The following FAF1 variants were observed in gnomAD, a reference collection of about 807,000 sequenced individuals.
FAF1 encodes Fas associated factor 1.
Under a neutral mutation model 92.5 loss-of-function variants are expected in FAF1, and 25 were observed. The observed-to-expected ratio is 0.27, with a 90% CI of 0.20 to 0.38. FAF1 has a LOEUF of 0.38. FAF1 is among the 10% of genes least tolerant of loss of function. The pLI is 1.00. For missense variants in FAF1, 636 were observed against 793.3 expected (o/e 0.80, Z 2.38); for synonymous variants, 234 against 273.2 (o/e 0.86, Z 1.42).
chr1:50,692,911 ATTAT>A (rs1557478581), intron 7 of FAF1, among the ~76,000 whole-genome samples: 1 of 152,086 alleles, frequency 6.6e-6, no homozygotes, highest in African/African-American at 2.4e-5. Context: ...TTTCAATTAG[ATTAT>A]TTGTCTTTTT....
chr1:50,739,393 T>TG (rs1240529473), intron 5 of FAF1, among the ~76,000 whole-genome samples: 1 of 131,720 alleles, frequency 7.6e-6, no homozygotes, highest in African/African-American at 3.4e-5. Flanking sequence ...TATATGTGTG[T>TG]TTATGTGTAT....
intron 17 of FAF1, among the ~76,000 whole-genome samples, chr1:50,490,313 T>C (rs571115018): frequency 6.6e-6 from 1 of 151,362 alleles, no homozygotes; most frequent in Admixed American, 6.6e-5. Flanking sequence ...CGAGCCGAGA[T>C]GGTGCTACAG....
Position 50,801,600 on chromosome 1 carries a change from C to A in FAF1, c.161+31G>T. The stretch of plus-strand genomic sequence containing the variant: ...AGCTCTGTTCTTTGTTCTGCTAAGT[C>A]ATCTTAACTGGTAAGCACTTTATAA... On this transcript the variant is annotated intron_variant, in intron 3 of 18. Coordinates refer to ENST00000396153, the MANE Select transcript of FAF1 (RefSeq NM_007051.3). 3.1e-6 allele frequency: 4 copies of A among 1,301,794 alleles called. No homozygotes were observed. In the South Asian group the frequency reaches 4.8e-5, roughly 16 times the overall value. 80.6% of individuals were successfully genotyped at this position (1,301,794 alleles called of 1,614,324 possible). A position where few individuals can be genotyped will look rare whatever the true frequency, so the allele number is the denominator to read the frequency against.
chr1:50,866,859 GA>G (rs2124676128), intron 1 of FAF1, among the ~76,000 whole-genome samples: 1 of 151,944 alleles, frequency 6.6e-6, no homozygotes, highest in African/African-American at 2.4e-5. Flanking sequence ...ATATGAAACC[GA>G]AAAAGTGACC....
intron 7 of FAF1, among the ~76,000 whole-genome samples, chr1:50,688,511 TA>T (rs992019975): frequency 9.1e-4 from 138 of 152,088 alleles, no homozygotes; most frequent in African/African-American, 3.3e-3. Flanking sequence ...TACTCAGCCT[TA>T]AAAAAATAAT....
At position 50,625,774 on chromosome 1, in the gene FAF1, T is replaced by A. The variant is rs1314642980; in HGVS notation, c.745-29558A>T. 2.0e-5 allele frequency among the ~76,000 whole-genome samples: 3 copies of A among 152,180 alleles called. No homozygotes were observed. In the East Asian group the frequency reaches 5.8e-4, roughly 29 times the overall value. ...ATCAGATTATGAACAGTCAAATATG[T>A]TCCATTAAGGAGTTTAGACATTATC... On this transcript the variant is annotated intron_variant, in intron 8 of 18. Transcript: ENST00000396153.
intron 12 of FAF1, among the ~76,000 whole-genome samples, chr1:50,568,527 G>T (rs2149057270): frequency 6.6e-6 from 1 of 152,242 alleles, no homozygotes; most frequent in South Asian, 2.1e-4. Context: ...CAGTTAGGTA[G>T]ATTAAGATTC....
At chr1:50,807,394 C>T (rs557075603) in intron 2 of FAF1, among the ~76,000 whole-genome samples, 3 of 152,274 alleles carry the variant, frequency 2.0e-5, no homozygotes, top group South Asian at 2.1e-4. Flanking sequence ...GCCGGTAGGG[C>T]GAAGGGGAAG....
intron 4 of FAF1, among the ~76,000 whole-genome samples, chr1:50,778,122 T>C (rs770747346): frequency 9.9e-5 from 15 of 152,216 alleles, no homozygotes; most frequent in Non-Finnish European, 1.9e-4. Context: ...ATGAATGAAT[T>C]ATTGAATCTC....
intron 4 of FAF1, among the ~76,000 whole-genome samples, chr1:50,757,651 A>C (rs1442049004): frequency 2.0e-5 from 3 of 152,150 alleles, no homozygotes; most frequent in Non-Finnish European, 2.9e-5. Context: ...TTTATAAAGC[A>C]GGTTTCCTGT....
At chr1:50,906,592 C>A (rs1308775018) in intron 1 of FAF1, among the ~76,000 whole-genome samples, 1 of 152,184 alleles carries the variant, frequency 6.6e-6, no homozygotes, top group Non-Finnish European at 1.5e-5. Flanking sequence ...AGAGGTCCTT[C>A]ACGTCCCTTG....
chr1:50,833,726 C>T (rs1251385314), intron 2 of FAF1, among the ~76,000 whole-genome samples: 1 of 152,070 alleles, frequency 6.6e-6, no homozygotes, highest in African/African-American at 2.4e-5. Context: ...GAACAAAAGA[C>T]ACTTTTATTA....
chr1:50,671,418 A>T (rs1655871399), intron 7 of FAF1, among the ~76,000 whole-genome samples: 1 of 151,928 alleles, frequency 6.6e-6, no homozygotes, highest in Non-Finnish European at 1.5e-5. Flanking sequence ...AAAAAAAAAA[A>T]GGTAAAGTTT....
intron 12 of FAF1, among the ~76,000 whole-genome samples, chr1:50,569,496 A>T (rs1243422104): frequency 6.6e-6 from 1 of 152,170 alleles, no homozygotes; most frequent in African/African-American, 2.4e-5. Flanking sequence ...AGTAATGTGA[A>T]CCTGGCACCA....
chr1:50,461,942 C>G (rs1430077570), intron 18 of FAF1, among the ~76,000 whole-genome samples: 1 of 147,122 alleles, frequency 6.8e-6, no homozygotes, highest in Admixed American at 6.8e-5. Flanking sequence ...AAAATAATCA[C>G]CATTACCATC....
intron 15 of FAF1, among the ~76,000 whole-genome samples, chr1:50,527,952 C>G (rs529765243): frequency 5.3e-5 from 8 of 151,024 alleles, no homozygotes; most frequent in Non-Finnish European, 1.0e-4. Context: ...CTCACTGCAG[C>G]CTTGACCTCT....
At chr1:50,770,337 G>A (rs1660734929) in intron 4 of FAF1, among the ~76,000 whole-genome samples, 1 of 152,176 alleles carries the variant, frequency 6.6e-6, no homozygotes, top group Non-Finnish European at 1.5e-5. Flanking sequence ...CAGATGATAT[G>A]ATAGTATACC....
intron 6 of FAF1, among the ~76,000 whole-genome samples, chr1:50,720,039 C>T (rs1658344356): frequency 6.6e-6 from 1 of 151,268 alleles, no homozygotes; most frequent in African/African-American, 2.4e-5. Context: ...TCTTGTTCTG[C>T]CACCTAGGCT....
At chr1:50,920,467 A>G (rs552490623) in intron 1 of FAF1, among the ~76,000 whole-genome samples, 42 of 152,294 alleles carry the variant, frequency 2.8e-4, no homozygotes, top group African/African-American at 9.9e-4. Flanking sequence ...TGGCAGATGC[A>G]CCCAAGATTC....
Sources: gnomAD v4.1 joint callset for allele counts (sites outside exome capture counted in the v4.1 genomes callset) on GRCh38, gnomAD v4.1.1 for gene constraint, MANE v1.5 for transcripts, NCBI Gene and HGNC (gene_info 2026-07-23, HGNC 2026-07-21) for gene names.